The following GRIK3 variants were observed in gnomAD, a reference collection of about 807,000 sequenced individuals.
GRIK3 encodes glutamate ionotropic receptor kainate type subunit 3, also known as glutamate receptor ionotropic, kainate 3.
GRIK3 carries 29 observed loss-of-function variants against 102.5 expected under a neutral mutation model. The ratio of observed to expected loss-of-function variants is 0.28; its 90% CI spans 0.21 to 0.39. GRIK3 has a LOEUF of 0.39. GRIK3 is among the 10% of genes least tolerant of loss of function. The probability of loss-of-function intolerance (pLI) is 1.00; values close to 1 mark genes in which losing one functional copy is unlikely to be tolerated. For missense variants in GRIK3, 908 were observed against 1,252.4 expected (o/e 0.73, Z 4.15); for synonymous variants, 511 against 504.9 (o/e 1.01, Z -0.16).
chr1:36,869,860 TC>T, intron 4 of GRIK3, 59 bp from the exon 5 acceptor site: 1 of 1,220,308 alleles, frequency 8.2e-7, no homozygotes, highest in Non-Finnish European at 1.2e-6. Flanking sequence ...CCTCCCCACA[TC>T]CCCACCCAGG....
intron 1 of GRIK3, among the ~76,000 whole-genome samples, chr1:36,983,156 C>T (rs531327374): frequency 2.3e-4 from 35 of 152,228 alleles, no homozygotes; most frequent in African/African-American, 7.9e-4. Context: ...GGAGTCTTCC[C>T]GACACCGACA....
chr1:36,981,759 C>T (rs967228865), intron 1 of GRIK3, among the ~76,000 whole-genome samples: 1 of 152,192 alleles, frequency 6.6e-6, no homozygotes, highest in African/African-American at 2.4e-5. Flanking sequence ...AGGCTGCCTA[C>T]AGCATTCCTG....
Position 36,889,014 on chromosome 1 carries a change from T to C in GRIK3, c.292+1906A>G, listed in dbSNP as rs957759556. 4.6e-5 allele frequency among the ~76,000 whole-genome samples: 7 copies of C among 152,196 alleles called. 1 individual carries two copies. The highest frequency in any genetic ancestry group is 1.7e-4 in the African/African-American group (7 of 41,548). ...CCGATCAAACTACCAGGACTGATTT[T>C]GTGCCTCCTGCGTGCCAGGCCCATG... On this transcript the variant is annotated intron_variant, in intron 2 of 15. Transcript: ENST00000373091.
chr1:36,810,242 C>G (rs1642547169), intron 13 of GRIK3, among the ~76,000 whole-genome samples: 1 of 152,170 alleles, frequency 6.6e-6, no homozygotes. Context: ...GTTCCCATCA[C>G]TGGCCAGAGC....
At chr1:37,003,984 G>T (rs761615592) in intron 1 of GRIK3, among the ~76,000 whole-genome samples, 14 of 152,070 alleles carry the variant, frequency 9.2e-5, no homozygotes, top group Non-Finnish European at 1.5e-4. Flanking sequence ...GCCCCAAAAC[G>T]AACTTGAGGT....
chr1:36,886,285 A>G (rs1225881885), intron 2 of GRIK3, among the ~76,000 whole-genome samples: 1 of 151,964 alleles, frequency 6.6e-6, no homozygotes, highest in African/African-American at 2.4e-5. Flanking sequence ...CTCCCCCCAC[A>G]GGGCCCGAGG....
intron 1 of GRIK3, among the ~76,000 whole-genome samples, chr1:36,940,411 A>AG (rs1205025047): frequency 4.6e-5 from 7 of 152,224 alleles, no homozygotes; most frequent in Non-Finnish European, 8.8e-5. Flanking sequence ...TTGCTGTCTT[A>AG]GGGACAGTCC....
intron 12 of GRIK3, among the ~76,000 whole-genome samples, chr1:36,818,090 C>A (rs1229933704): frequency 2.6e-5 from 4 of 152,164 alleles, no homozygotes; most frequent in African/African-American, 9.7e-5. Context: ...TTTGGACCTG[C>A]AATCTGAAAA....
chr1:37,009,438 T>A (rs1642565868), intron 1 of GRIK3, among the ~76,000 whole-genome samples: 1 of 152,256 alleles, frequency 6.6e-6, no homozygotes, highest in South Asian at 2.1e-4. Flanking sequence ...AGCTAGGCTC[T>A]GGCAGCCTCT....
chr1:36,983,381 C>A (rs567722077), intron 1 of GRIK3, among the ~76,000 whole-genome samples: 1 of 152,106 alleles, frequency 6.6e-6, no homozygotes. Context: ...CACGGCACAA[C>A]GGCACACTCC....
At chr1:36,845,628 C>A (rs543880) in intron 9 of GRIK3, among the ~76,000 whole-genome samples, 1 of 152,162 alleles carries the variant, frequency 6.6e-6, no homozygotes, top group Non-Finnish European at 1.5e-5. Context: ...CACACATGCA[C>A]GCACAAGTAT....
chr1:36,916,081 T>G (rs1641395913), intron 1 of GRIK3, among the ~76,000 whole-genome samples: 1 of 152,196 alleles, frequency 6.6e-6, no homozygotes, highest in African/African-American at 2.4e-5. Context: ...AAATTCAGGC[T>G]GATGTGATCT....
At chr1:36,838,724 G>A (rs751640277) in intron 10 of GRIK3, among the ~76,000 whole-genome samples, 5 of 152,140 alleles carry the variant, frequency 3.3e-5, no homozygotes, top group African/African-American at 1.2e-4. Context: ...TCATCTTTAC[G>A]CCTACATTCA....
chr1:36,971,108 C>T (rs905720918), intron 1 of GRIK3, among the ~76,000 whole-genome samples: 11 of 152,340 alleles, frequency 7.2e-5, no homozygotes, highest in Admixed American at 6.5e-4. Flanking sequence ...TAGTCTGGCT[C>T]TTCTGTGGCC....
At chr1:36,942,779 T>C (rs992178371) in intron 1 of GRIK3, among the ~76,000 whole-genome samples, 1 of 152,078 alleles carries the variant, frequency 6.6e-6, no homozygotes, top group African/African-American at 2.4e-5. Context: ...CCCGCCCCCA[T>C]GGTTCCACCT....
At chr1:36,995,612 C>G (rs1178021256) in intron 1 of GRIK3, among the ~76,000 whole-genome samples, 1 of 152,232 alleles carries the variant, frequency 6.6e-6, no homozygotes, top group South Asian at 2.1e-4. Context: ...TGGAATGTGT[C>G]TGCCATAAAT....
chr1:36,978,439 C>A (rs761729998), intron 1 of GRIK3, among the ~76,000 whole-genome samples: 2 of 152,250 alleles, frequency 1.3e-5, no homozygotes, highest in Non-Finnish European at 2.9e-5. Flanking sequence ...AAAGTTCTCC[C>A]AGCAGGGAGG....
At chr1:36,820,867 C>T (rs567923512) in intron 11 of GRIK3, among the ~76,000 whole-genome samples, 1 of 152,160 alleles carries the variant, frequency 6.6e-6, no homozygotes, top group South Asian at 2.1e-4. Flanking sequence ...AAGAGGAGTC[C>T]TGATTATTGA....
At chr1:36,909,736 A>G (rs931960537) in intron 1 of GRIK3, among the ~76,000 whole-genome samples, 11 of 152,154 alleles carry the variant, frequency 7.2e-5, no homozygotes, top group African/African-American at 2.4e-4. Context: ...CCACTGCTCA[A>G]ATCTAACCCC....
Sources: allele counts gnomAD v4.1 joint callset (sites outside exome capture counted in the v4.1 genomes callset), GRCh38; gene constraint gnomAD v4.1.1; transcripts MANE v1.5; gene names NCBI Gene and HGNC (gene_info 2026-07-23, HGNC 2026-07-21).